The following TIAM1 variants were observed in gnomAD, a reference collection of about 807,000 sequenced individuals.
TIAM1 encodes TIAM Rac1 associated GEF 1, also known as rho guanine nucleotide exchange factor TIAM1.
TIAM1 carries 65 observed loss-of-function variants against 163.5 expected under a neutral mutation model. The observed-to-expected ratio is 0.40, with a 90% CI of 0.33 to 0.49. The LOEUF is 0.49. TIAM1 is among the 20% of genes least tolerant of loss of function. TIAM1 has a pLI of 0.77. For missense variants in TIAM1, 1,789 were observed against 2,044.7 expected, an observed-to-expected ratio of 0.87 and a Z score of 2.41; for synonymous variants, 833 against 810.1, an observed-to-expected ratio of 1.03 and a Z score of -0.48.
chr21:31,541,165 A>G (rs1222042418), intron 1 of TIAM1, among the ~76,000 whole-genome samples: 1 of 152,228 alleles, frequency 6.6e-6, no homozygotes, highest in Non-Finnish European at 1.5e-5. Context: ...ATATATACTT[A>G]AAGAATGTCA....
At chr21:31,147,397 C>T (rs1000593550) in intron 19 of TIAM1, among the ~76,000 whole-genome samples, 3 of 152,002 alleles carry the variant, frequency 2.0e-5, no homozygotes, top group Non-Finnish European at 2.9e-5. Context: ...TCATACCTCC[C>T]GCCCCCGAAG....
chr21:31,548,331 G>A (rs557452064), intron 1 of TIAM1, among the ~76,000 whole-genome samples: 13 of 151,850 alleles, frequency 8.6e-5, no homozygotes, highest in South Asian at 6.2e-4. Flanking sequence ...TAGTAGGGAC[G>A]GGTTTCGCCA....
rs191718859 is a variant in TIAM1 at position 31,391,095 on chromosome 21, G to A, written c.-368-51673C>T. On this transcript the variant is annotated intron_variant, in intron 2 of 28. Transcript: ENST00000286827. The stretch of plus-strand genomic sequence containing the variant: ...CTTAGTTCTGACCTGGCAAGGTAGA[G>A]GACGATGCTACGTGTGCACTCATAG... Among the ~76,000 whole-genome samples the A allele has an allele frequency of 5.5e-3, 838 of 152,178 alleles. 4 individuals are homozygous for A. Among genetic ancestry groups the A allele is most frequent in the Non-Finnish European group, 8.0e-3 (544 of 68,004 alleles).
intron 2 of TIAM1, among the ~76,000 whole-genome samples, chr21:31,298,967 G>A (rs2074400821): frequency 6.6e-6 from 1 of 152,110 alleles, no homozygotes; most frequent in African/African-American, 2.4e-5. Flanking sequence ...AATGTTATCG[G>A]AGGAGGGAGG....
intron 8 of TIAM1, among the ~76,000 whole-genome samples, chr21:31,222,694 TATATA>T (rs1569056108): frequency 7.9e-5 from 3 of 38,112 alleles, no homozygotes; most frequent in African/African-American, 3.1e-4. Context: ...TATATATATA[TATATA>T]TATATATATT....
chr21:31,196,478 A>ATTTTT lies in TIAM1; in HGVS notation c.2494-1178_2494-1174dup, dbSNP rs59358430. On this transcript the variant is annotated intron_variant, in intron 12 of 27. Transcript: ENST00000541036. ...AGGCGTTTGCTACCACATCTGGCTA[A>ATTTTT]TTTTTTTTTTTTTTGTATTTTTAGT... Among the ~76,000 whole-genome samples the ATTTTT allele has an allele frequency of 6.8e-5, 9 of 133,090 alleles. No homozygotes were observed. In the East Asian group the frequency reaches 1.1e-3, roughly 16 times the overall value. 87.3% of individuals were successfully genotyped at this position (133,090 alleles called of 152,430 possible).
intron 2 of TIAM1, among the ~76,000 whole-genome samples, chr21:31,286,618 C>T (rs913994029): frequency 1.3e-5 from 2 of 152,002 alleles, no homozygotes; most frequent in African/African-American, 2.4e-5. Context: ...ATGGCTTGCC[C>T]GGGAGGATCA....
intron 15 of TIAM1, among the ~76,000 whole-genome samples, chr21:31,173,267 A>C (rs922864288): frequency 6.6e-6 from 1 of 152,134 alleles, no homozygotes; most frequent in African/African-American, 2.4e-5. Context: ...CGAAACTTTT[A>C]AAAGGTCTTT....
chr21:31,438,280 C>A (rs749434840), intron 2 of TIAM1, among the ~76,000 whole-genome samples: 5 of 149,084 alleles, frequency 3.4e-5, no homozygotes, highest in Non-Finnish European at 5.9e-5. Context: ...CAACCTCCAC[C>A]TCCCAGGTTC....
At chr21:31,151,885 C>T (rs987144582) in intron 19 of TIAM1, among the ~76,000 whole-genome samples, 1 of 152,168 alleles carries the variant, frequency 6.6e-6, no homozygotes, top group South Asian at 2.1e-4. Flanking sequence ...AGGCACTAGT[C>T]ATAAATCCTC....
intron 2 of TIAM1, among the ~76,000 whole-genome samples, chr21:31,422,067 T>C (rs1444490552): frequency 1.3e-5 from 2 of 152,150 alleles, no homozygotes; most frequent in African/African-American, 4.8e-5. Flanking sequence ...GTAGCATGCC[T>C]TGCCAACACC....
At chr21:31,282,796 C>A (rs1180708956) in intron 2 of TIAM1, among the ~76,000 whole-genome samples, 1 of 152,208 alleles carries the variant, frequency 6.6e-6, no homozygotes, top group Admixed American at 6.5e-5. Context: ...ATTTCAAAGG[C>A]AGGTATAAAA....
At chr21:31,515,730 C>T (rs533030800) in intron 1 of TIAM1, among the ~76,000 whole-genome samples, 1 of 152,276 alleles carries the variant, frequency 6.6e-6, no homozygotes, top group South Asian at 2.1e-4. Context: ...AAGCCAGACT[C>T]GGTCAGAATT....
chr21:31,503,724 G>C (rs1483804982), intron 1 of TIAM1, among the ~76,000 whole-genome samples: 1 of 151,064 alleles, frequency 6.6e-6, no homozygotes, highest in Non-Finnish European at 1.5e-5. Context: ...GTGGCTGACA[G>C]TGTCAGGACC....
chr21:31,433,000 G>A (rs1441165486), intron 2 of TIAM1, among the ~76,000 whole-genome samples: 2 of 152,112 alleles, frequency 1.3e-5, no homozygotes, highest in East Asian at 3.9e-4. Flanking sequence ...AAACTGCAAG[G>A]GAAACATGTA....
chr21:31,249,716 G>T (rs1238393761), intron 5 of TIAM1, among the ~76,000 whole-genome samples: 2 of 152,046 alleles, frequency 1.3e-5, no homozygotes, highest in African/African-American at 4.8e-5. Context: ...TGTGATCCAG[G>T]CCCCTCAGAC....
At chr21:31,362,604 C>A (rs1343231183) in intron 2 of TIAM1, among the ~76,000 whole-genome samples, 4 of 151,804 alleles carry the variant, frequency 2.6e-5, no homozygotes, top group Admixed American at 6.6e-5. Context: ...GCAGCTGTGA[C>A]TACAGGCGCC....
intron 6 of TIAM1, among the ~76,000 whole-genome samples, chr21:31,244,810 G>A (rs2071407970): frequency 6.6e-6 from 1 of 152,150 alleles, no homozygotes; most frequent in African/African-American, 2.4e-5. Context: ...ATAAAGGTTT[G>A]AGAAAATAAT....
intron 2 of TIAM1, among the ~76,000 whole-genome samples, chr21:31,387,195 C>CTCTTTTTTTTTTTT (rs759122075): frequency 1.3e-5 from 1 of 75,152 alleles, no homozygotes; most frequent in African/African-American, 5.6e-5. Context: ...AGCTTATTCT[C>CTCTTTTTTTTTTTT]TTTTTTTTTT....
Sources: allele counts gnomAD v4.1 joint callset (sites outside exome capture counted in the v4.1 genomes callset), GRCh38; gene constraint gnomAD v4.1.1; transcripts MANE v1.5; gene names NCBI Gene and HGNC (gene_info 2026-07-23, HGNC 2026-07-21).